Variants in MRPS6 observed in about 807,000 individuals in gnomAD.
MRPS6 encodes small ribosomal subunit protein bS6m.
A neutral mutation model predicts 13.1 loss-of-function variants in MRPS6; 6 were observed. The observed-to-expected ratio is 0.46, with a 90% CI of 0.25 to 0.91. The LOEUF (loss-of-function observed/expected upper bound fraction) is 0.91. MRPS6 is among the 40% of genes least tolerant of loss of function. The probability of loss-of-function intolerance (pLI) is 0.18; values close to 1 mark genes in which losing one functional copy is unlikely to be tolerated. For missense variants in MRPS6, 164 were observed against 155.6 expected (o/e 1.05, Z -0.29); for synonymous variants, 61 against 56.5 (o/e 1.08, Z -0.36).
chr21:34,093,366 G>A (rs949527664), intron 1 of MRPS6, among the ~76,000 whole-genome samples: 4 of 151,698 alleles, frequency 2.6e-5, no homozygotes, highest in Non-Finnish European at 5.9e-5. Flanking sequence ...AAAAAGGCAC[G>A]CAGATGGGAT....
At chr21:34,109,784 C>A (rs963681679) in intron 1 of MRPS6, among the ~76,000 whole-genome samples, 7 of 151,770 alleles carry the variant, frequency 4.6e-5, no homozygotes, top group African/African-American at 1.7e-4. Context: ...TGTTTCTTCT[C>A]GTATTCTTGT....
At position 34,073,759 on chromosome 21, in the gene MRPS6, C is replaced by A; in HGVS notation, c.45+14C>A. 7 of 1,504,402 alleles carry A rather than the reference C, an allele frequency of 4.7e-6. No homozygotes were observed. The highest frequency in any genetic ancestry group is 6.2e-6 in the Non-Finnish European group (7 of 1,120,172). 93.2% of individuals were successfully genotyped at this position (1,504,402 alleles called of 1,614,324 possible). ...GCCATGCAGCGGGTAAGTGACCTTC[C>A]CTCAGAGCCGGTCTTCCCGCGCGGG... is the stretch of plus-strand genomic sequence containing the variant. On this transcript the variant is annotated intron_variant, in intron 1 of 2. Coordinates refer to ENST00000399312, the MANE Select transcript of MRPS6 (RefSeq NM_032476.4).
chr21:34,123,639 A>G (rs921841428), intron 1 of MRPS6: 1 of 151,946 alleles, frequency 6.6e-6, no homozygotes, highest in African/African-American at 2.4e-5. Flanking sequence ...CGTTGTTGCT[A>G]TTTTAGAAAT....
At chr21:34,118,884 T>C (rs951175335) in intron 1 of MRPS6, among the ~76,000 whole-genome samples, 3 of 152,192 alleles carry the variant, frequency 2.0e-5, no homozygotes, top group Non-Finnish European at 4.4e-5. Flanking sequence ...ATTTAAATTT[T>C]AATAAGTGTT....
chr21:34,073,734 G>C lies in MRPS6; in HGVS notation c.34G>C (p.Ala12Pro). 6.5e-7 allele frequency: 1 copy of C among 1,528,186 alleles called. No individual in the cohort carries two copies. The highest frequency in any genetic ancestry group is 8.8e-7 in the Non-Finnish European group (1 of 1,132,726). 94.7% of individuals were successfully genotyped at this position (1,528,186 alleles called of 1,614,324 possible). Residue 12 changes from alanine to proline, a missense_variant, in exon 1 of 3, where the codon GCC becomes CCC. Physicochemically the swap from Ala to Pro is conservative, Grantham distance 27. Coordinates refer to ENST00000399312, the MANE Select transcript of MRPS6 (RefSeq NM_032476.4). ...CTACGAGCTGGCTTTAATCCTGAAA[G>C]CCATGCAGCGGGTAAGTGACCTTCC... is the stretch of plus-strand genomic sequence containing the variant. ...PRYELALILK[A>P]MQRPETAATL...
intron 2 of MRPS6, among the ~76,000 whole-genome samples, chr21:34,131,198 T>A (rs2834384): frequency 6.6e-6 from 1 of 152,236 alleles, no homozygotes; most frequent in Middle Eastern, 3.4e-3. Context: ...GCATGTCTAG[T>A]CAGTTGCAAT....
chr21:34,124,284 A>G (rs1390959550), intron 1 of MRPS6: 2 of 152,316 alleles, frequency 1.3e-5, no homozygotes, highest in East Asian at 3.9e-4. Flanking sequence ...TCTCTCAGCC[A>G]CCAGATTGTG....
intron 1 of MRPS6, chr21:34,102,607 C>G: frequency 1.0e-6 from 1 of 1,000,172 alleles, no homozygotes; most frequent in Non-Finnish European, 1.2e-6. Flanking sequence ...AAACCAATAA[C>G]TGTACTTTAT....
At chr21:34,099,401 T>C (rs1158416113) in intron 1 of MRPS6, 1 of 999,986 alleles carries the variant, frequency 1.0e-6, no homozygotes, top group African/African-American at 1.7e-5. Context: ...TCCTGTTTTT[T>C]CAAAGGAACT....
intron 1 of MRPS6, among the ~76,000 whole-genome samples, chr21:34,116,955 T>C (rs1042394599): frequency 6.6e-6 from 1 of 152,184 alleles, no homozygotes; most frequent in Non-Finnish European, 1.5e-5. Context: ...TCTTCTCCCC[T>C]GGGGCTCTGC....
intron 1 of MRPS6, chr21:34,098,684 G>A: frequency 3.0e-6 from 3 of 1,000,254 alleles, no homozygotes; most frequent in South Asian, 4.7e-5. Flanking sequence ...AGTGTGTCTT[G>A]TGGAGGGTAT....
chr21:34,121,731 A>G (rs1028857424), intron 1 of MRPS6, among the ~76,000 whole-genome samples: 1 of 152,210 alleles, frequency 6.6e-6, no homozygotes, highest in East Asian at 1.9e-4. Flanking sequence ...CCTGTAAACT[A>G]TATGCTTTTG....
chr21:34,106,901 T>G (rs1484908890), intron 1 of MRPS6, among the ~76,000 whole-genome samples: 1 of 152,200 alleles, frequency 6.6e-6, no homozygotes, highest in Non-Finnish European at 1.5e-5. Flanking sequence ...GGACTACTTC[T>G]TGGATTTTGT....
chr21:34,077,295 T>C (rs1399675596), intron 1 of MRPS6, among the ~76,000 whole-genome samples: 1 of 152,236 alleles, frequency 6.6e-6, no homozygotes, highest in African/African-American at 2.4e-5. Flanking sequence ...TAGACACTTT[T>C]TATGCCTTGG....
At chr21:34,114,022 A>G (rs908081732) in intron 1 of MRPS6, among the ~76,000 whole-genome samples, 1 of 152,116 alleles carries the variant, frequency 6.6e-6, no homozygotes, top group African/African-American at 2.4e-5. Flanking sequence ...TCCTGCTCCC[A>G]CTATCCATTT....
chr21:34,119,261 G>T (rs1467404493), intron 1 of MRPS6, among the ~76,000 whole-genome samples: 2 of 152,162 alleles, frequency 1.3e-5, no homozygotes, highest in African/African-American at 4.8e-5. Flanking sequence ...ATATTTTTAT[G>T]TAGATGGTTC....
intron 2 of MRPS6, among the ~76,000 whole-genome samples, chr21:34,127,605 G>A (rs1234441044): frequency 6.6e-6 from 1 of 152,212 alleles, no homozygotes; most frequent in East Asian, 1.9e-4. Flanking sequence ...AGTGTAGTTT[G>A]AAGTTACCCG....
chr21:34,129,094 A>AT (rs1175130873), intron 2 of MRPS6, among the ~76,000 whole-genome samples: 1 of 152,104 alleles, frequency 6.6e-6, no homozygotes. Flanking sequence ...TTCTTACTGT[A>AT]TTCCTGGGCG....
At chr21:34,105,330 A>G (rs1979429815) in intron 1 of MRPS6, 12 of 998,722 alleles carry the variant, frequency 1.2e-5, no homozygotes, top group Non-Finnish European at 1.4e-5. Context: ...GATAAGATGG[A>G]TATCAAAAAT....
Sources: gnomAD v4.1 joint callset for allele counts (sites outside exome capture counted in the v4.1 genomes callset) on GRCh38, gnomAD v4.1.1 for gene constraint, MANE v1.5 for transcripts, NCBI Gene and HGNC (gene_info 2026-07-23, HGNC 2026-07-21) for gene names.